KCTD2: variants seen among roughly 807,000 people sequenced by gnomAD.
KCTD2 encodes the protein potassium channel tetramerization domain containing 2.
In KCTD2, 18 loss-of-function variants were observed where a neutral mutation model predicts 27.9. The ratio of observed to expected loss-of-function variants is 0.64; its 90% confidence interval spans 0.45 to 0.96. The LOEUF is 0.96. KCTD2 is among the 40% of genes least tolerant of loss of function. KCTD2 has a pLI of 0.00. For missense variants in KCTD2, 280 were observed against 348.0 expected, an observed-to-expected ratio of 0.80 and a Z score of 1.56; for synonymous variants, 175 against 148.4, an observed-to-expected ratio of 1.18 and a Z score of -1.30.
intron 3 of KCTD2, among the ~76,000 whole-genome samples, chr17:75,056,498 G>A (rs567644801): frequency 1.3e-5 from 2 of 152,310 alleles, no homozygotes; most frequent in South Asian, 4.1e-4. Flanking sequence ...AGCATTATAA[G>A]ATTTCTGTTT....
intron 2 of KCTD2, 113 bp from the exon 3 acceptor site, chr17:75,052,901 A>T: frequency 1.2e-6 from 1 of 814,864 alleles, no homozygotes; most frequent in Non-Finnish European, 2.1e-6. Flanking sequence ...CTCAAAAAAT[A>T]AGTAAATAAA....
At chr17:75,059,237 C>A in intron 3 of KCTD2, 1 of 256,602 alleles carries the variant, frequency 3.9e-6, no homozygotes, top group Admixed American at 5.4e-5. Context: ...AATTATTTTA[C>A]CTTTTTTATT....
intron 2 of KCTD2, among the ~76,000 whole-genome samples, chr17:75,052,202 A>G (rs1327228995): frequency 4.6e-5 from 7 of 152,218 alleles, no homozygotes; most frequent in Non-Finnish European, 7.3e-5. Context: ...CGTTTGACTA[A>G]TTTATGTTGG....
chr17:75,034,407 C>G (rs937150921), intron 2 of KCTD2, among the ~76,000 whole-genome samples: 1 of 152,158 alleles, frequency 6.6e-6, no homozygotes, highest in Non-Finnish European at 1.5e-5. Context: ...CCAAAAGAAA[C>G]CTTGCGAGCA....
Position 75,060,528 on chromosome 17 carries a change from C to T in KCTD2, c.636+923C>T, listed in dbSNP as rs2144941314. The T allele has an allele frequency of 4.3e-6, 7 of 1,612,770 alleles. No individual in the cohort carries two copies. The East Asian group carries it at 1.6e-4, about 36-fold the overall frequency. Reference sequence around the variant, plus strand: ...AGCGCGACAGCCAAGACCAGCTGCTCTTGATGCCCTTTTCACTTCTGTGTT... The same window carrying T: ...AGCGCGACAGCCAAGACCAGCTGCTTTTGATGCCCTTTTCACTTCTGTGTT... On this transcript the variant is annotated intron_variant, in intron 4 of 5. Transcript: ENST00000322444.
chr17:75,034,039 T>A (rs1348685803), exon 2 of KCTD2: 1 of 152,224 alleles, frequency 6.6e-6, no homozygotes, highest in African/African-American at 2.4e-5. Context: ...TCAGGGATGC[T>A]GGAATCGACC....
chr17:75,046,624 CA>C (rs2073221081), upstream of KCTD2, among the ~76,000 whole-genome samples: 1 of 152,234 alleles, frequency 6.6e-6, no homozygotes, highest in Non-Finnish European at 1.5e-5. Flanking sequence ...CCAGTCCCCC[CA>C]CCAAACTATT....
chr17:75,052,519 C>G (rs558550341), intron 2 of KCTD2, among the ~76,000 whole-genome samples: 1 of 152,266 alleles, frequency 6.6e-6, no homozygotes, highest in Admixed American at 6.5e-5. Flanking sequence ...GTCAGGAGTT[C>G]AAGACCAGCC....
intron 2 of KCTD2, among the ~76,000 whole-genome samples, chr17:75,050,905 T>C (rs1567991337): frequency 6.6e-6 from 1 of 151,556 alleles, no homozygotes; most frequent in Non-Finnish European, 1.5e-5. Flanking sequence ...CTCAAATGTC[T>C]GGCCTCACAT....
At chr17:75,053,774 A>G (rs2144932120) in intron 3 of KCTD2, among the ~76,000 whole-genome samples, 1 of 148,568 alleles carries the variant, frequency 6.7e-6, no homozygotes, top group East Asian at 2.1e-4. Context: ...AGCCTTTAGC[A>G]TGTGATCGAG....
At chr17:75,033,953 T>G (rs901185370) in intron 1 of KCTD2, 1 of 152,278 alleles carries the variant, frequency 6.6e-6, no homozygotes, top group Admixed American at 6.5e-5. Flanking sequence ...AGCCAGGGAT[T>G]GTGGGTTCGA....
chr17:75,061,208 C>G (rs1257596782), intron 4 of KCTD2, among the ~76,000 whole-genome samples: 2 of 152,230 alleles, frequency 1.3e-5, no homozygotes, highest in Non-Finnish European at 2.9e-5. Context: ...GCCCCCAGCC[C>G]CATCCTACCA....
intron 3 of KCTD2, among the ~76,000 whole-genome samples, chr17:75,037,578 G>C (rs1272344726): frequency 6.6e-6 from 1 of 152,076 alleles, no homozygotes; most frequent in Admixed American, 6.5e-5. Context: ...TGGGTTGTAG[G>C]CATAACAGGT....
At chr17:75,037,310 C>T (rs148864133) in intron 3 of KCTD2, among the ~76,000 whole-genome samples, 30 of 148,958 alleles carry the variant, frequency 2.0e-4, no homozygotes, top group African/African-American at 7.3e-4. Context: ...TGCCACTGCA[C>T]TCCAGCCTGG....
intron 5 of KCTD2, 113 bp downstream of exon 5, chr17:75,062,358 G>A (rs2073412877): frequency 6.7e-6 from 7 of 1,037,730 alleles, no homozygotes; most frequent in Admixed American, 3.0e-5. Flanking sequence ...TAGAGCCAGC[G>A]TTGCATTTTC....
chr17:75,046,124 C>T (rs890154102), upstream of KCTD2, among the ~76,000 whole-genome samples: 1 of 152,194 alleles, frequency 6.6e-6, no homozygotes, highest in Non-Finnish European at 1.5e-5. Flanking sequence ...GCACTGTCGC[C>T]TGGGCTGGAG....
At chr17:75,048,112 A>T (rs960203373) in intron 1 of KCTD2, among the ~76,000 whole-genome samples, 1 of 152,294 alleles carries the variant, frequency 6.6e-6, no homozygotes, top group Non-Finnish European at 1.5e-5. Context: ...CTGGTCGCAG[A>T]ACTTTTATCT....
chr17:75,054,739 G>A (rs1165159768), intron 3 of KCTD2, among the ~76,000 whole-genome samples: 9 of 151,976 alleles, frequency 5.9e-5, no homozygotes, highest in East Asian at 3.9e-4. Flanking sequence ...CCCAGGAGGC[G>A]GAGCTTGTAG....
At chr17:75,036,045 A>T (rs978269699) in intron 3 of KCTD2, 48 of 438,838 alleles carry the variant, frequency 1.1e-4, no homozygotes, top group Non-Finnish European at 1.9e-4. Context: ...ATAAATGCTA[A>T]TTTTTTTTTT....
Sources: gnomAD v4.1 joint callset for allele counts (sites outside exome capture counted in the v4.1 genomes callset) on GRCh38, gnomAD v4.1.1 for gene constraint, MANE v1.5 for transcripts, NCBI Gene and HGNC (gene_info 2026-07-23, HGNC 2026-07-21) for gene names.